Variants in TRANK1 observed in about 807,000 individuals in gnomAD.
The protein encoded by TRANK1 is TPR and ankyrin repeat-containing protein 1.
TRANK1 carries 198 observed loss-of-function variants against 266.0 expected under a neutral mutation model. That is an observed-to-expected ratio of 0.74 (90% CI 0.66 to 0.84). TRANK1 has a LOEUF of 0.84. Ranked by LOEUF, TRANK1 falls within the 40% of genes least tolerant of loss-of-function variation. TRANK1 has a pLI of 0.00. For synonymous variants in TRANK1, 1,396 were observed against 1,384.1 expected, an observed-to-expected ratio of 1.01 and a Z score of -0.19; for missense variants, 3,326 against 3,634.6, an observed-to-expected ratio of 0.92 and a Z score of 2.18.
chr3:36,836,208 G>A (rs2078768541), intron 20 of TRANK1, among the ~76,000 whole-genome samples: 1 of 152,208 alleles, frequency 6.6e-6, no homozygotes, highest in African/African-American at 2.4e-5. Context: ...AGTGAAGCAT[G>A]TGCATACCCT....
Position 36,830,916 on chromosome 3 carries a change from C to T in TRANK1, c.8667G>A (p.Ser2889=), listed in dbSNP as rs1042459006. The T allele has an allele frequency of 7.4e-6, 12 of 1,613,234 alleles. No individual in the cohort carries two copies. The highest frequency in any genetic ancestry group is 4.5e-5 in the East Asian group (2 of 44,876). Residue 2889 remains serine (S), a synonymous_variant, in exon 22 of 24, where the codon TCG becomes TCA. Coordinates refer to ENST00000645898, the MANE Select transcript of TRANK1 (RefSeq NM_001329998.2). ...GCCTGTAGAGGTCCTCCACCATATCCGAAACCCTCTTGATGTGCTCCTGGA... is the reference window on the plus strand; with the variant it reads ...GCCTGTAGAGGTCCTCCACCATATCTGAAACCCTCTTGATGTGCTCCTGGA... ...QKVQEHIKRV[S]DMVEDLYRRK...
chr3:36,858,770 C>A lies in TRANK1; in HGVS notation c.1620G>T (p.Thr540=), dbSNP rs997213384. The part of the protein sequence containing the change: ...KGADPRAISL[T]EGDTPLHAAL... ...CTGCATGCAAAGGAGTATCACCTTC[C>A]GTGAGAGAAATAGCACGGGGGTCTG... The change falls in exon 12 of 24, where the codon ACG becomes ACT. Residue 540 remains threonine, a synonymous_variant. Coordinates refer to ENST00000645898, the MANE Select transcript of TRANK1 (RefSeq NM_001329998.2). 1.3e-6 allele frequency: 2 copies of A among 1,537,030 alleles called. No homozygotes were observed. The highest frequency in any genetic ancestry group is 2.4e-5 in the South Asian group (2 of 84,036).
intron 15 of TRANK1, among the ~76,000 whole-genome samples, chr3:36,848,089 TATC>T (rs2078939185): frequency 6.6e-6 from 1 of 152,218 alleles, no homozygotes; most frequent in Non-Finnish European, 1.5e-5. Flanking sequence ...TAAATATTGT[TATC>T]ATTGCGGGTC....
chr3:36,944,792 T>C lies in TRANK1; in HGVS notation c.18A>G (p.Ala6=). Residue 6 remains alanine, a synonymous_variant, in exon 1 of 24, where the codon GCA becomes GCG. Coordinates refer to ENST00000645898, the MANE Select transcript of TRANK1 (RefSeq NM_001329998.2). ...CTTCCCGCGCCGCTACGCACCTAGC[T>C]GCCCGCGGGTCCCACATGGCTGCGG... MWDPR[A]ARMDLTAYAE... is the part of the protein sequence containing the mutation. 6.7e-7 allele frequency: 1 copy of C among 1,494,154 alleles called. No homozygotes were observed. The highest frequency in any genetic ancestry group is 8.9e-7 in the Non-Finnish European group (1 of 1,128,884). The allele number at this position is 1,494,154 out of a possible 1,614,324, so 92.6% of individuals were successfully genotyped here. A position where few individuals can be genotyped will look rare whatever the true frequency, so the allele number is the denominator to read the frequency against.
At chr3:36,925,715 C>T (rs552508631) in intron 1 of TRANK1, among the ~76,000 whole-genome samples, 3 of 151,902 alleles carry the variant, frequency 2.0e-5, no homozygotes, top group Non-Finnish European at 4.4e-5. Context: ...CTCAGCCTCC[C>T]GAGTAGCTGG....
intron 1 of TRANK1, among the ~76,000 whole-genome samples, chr3:36,930,970 G>A (rs2080353529): frequency 6.6e-6 from 1 of 151,658 alleles, no homozygotes; most frequent in African/African-American, 2.4e-5. Context: ...AAAAAGAAAA[G>A]CACTAACAGA....
At chr3:36,943,107 G>T (rs977652162) in intron 1 of TRANK1, among the ~76,000 whole-genome samples, 19 of 151,688 alleles carry the variant, frequency 1.3e-4, no homozygotes, top group African/African-American at 4.1e-4. Flanking sequence ...CAGGAGAATC[G>T]CTTGAACCCA....
At chr3:36,896,824 T>C (rs2079797874) in intron 4 of TRANK1, among the ~76,000 whole-genome samples, 1 of 149,550 alleles carries the variant, frequency 6.7e-6, no homozygotes, top group South Asian at 2.1e-4. Context: ...GTGAAAGCCC[T>C]TCTCTACTAA....
rs776013406 is a variant in TRANK1, at chr3:36,833,468, T to C, written c.6115A>G (p.Ile2039Val). The C allele has an allele frequency of 1.2e-6, 2 of 1,613,762 alleles. No individual in the cohort carries two copies. Among genetic ancestry groups the C allele is most frequent in the African/African-American group, 2.7e-5 (2 of 74,926 alleles). The change falls in exon 22 of 24, where the codon ATC becomes GTC. Residue 2039 changes from isoleucine (I) to valine (V), a missense_variant. Physicochemically the swap from Ile to Val is conservative, Grantham distance 29. Transcript: ENST00000645898. ...IAEAHFLQGV[I>V]LRDFQKLRDA... is the part of the protein sequence containing the mutation. ...CTGAGCTTCTGAAAGTCTCTCAGGATTACCCCTTGCAGGAAGTGGGCCTCC... is the reference window on the plus strand; with the variant it reads ...CTGAGCTTCTGAAAGTCTCTCAGGACTACCCCTTGCAGGAAGTGGGCCTCC...
intron 1 of TRANK1, among the ~76,000 whole-genome samples, chr3:36,928,874 A>G (rs1014099134): frequency 2.0e-5 from 3 of 152,172 alleles, no homozygotes; most frequent in Non-Finnish European, 4.4e-5. Flanking sequence ...AAGTCCTCCC[A>G]TGTTAATGAA....
rs371640740 is a variant in TRANK1, at chr3:36,833,055, C to T, written c.6528G>A (p.Leu2176=). ...CAAGCAGGCTCCGTGTGATCTGACA[C>T]AGCCTGCCCAAAAGGTGTTTGTTTA... The part of the protein sequence containing the change: ...LALNKHLLGR[L]CQITRSLLGK... The change falls in exon 22 of 24, where the codon CTG becomes CTA. Residue 2176 remains leucine, a synonymous_variant. Coordinates refer to ENST00000645898, the MANE Select transcript of TRANK1 (RefSeq NM_001329998.2). The T allele has an allele frequency of 7.1e-5, 115 of 1,612,942 alleles. 2 individuals are homozygous for T. In the East Asian group the frequency reaches 1.3e-3, roughly 18 times the overall value.
intron 1 of TRANK1, among the ~76,000 whole-genome samples, chr3:36,928,222 T>C (rs2080314998): frequency 6.6e-6 from 1 of 152,224 alleles, no homozygotes; most frequent in African/African-American, 2.4e-5. Context: ...CCGTTGACCT[T>C]GCAAAGCAAA....
chr3:36,939,139 A>G (rs2080463502), intron 1 of TRANK1, among the ~76,000 whole-genome samples: 1 of 151,516 alleles, frequency 6.6e-6, no homozygotes, highest in Admixed American at 6.6e-5. Flanking sequence ...CCTGTCTCAT[A>G]AATAAATAAA....
intron 22 of TRANK1, among the ~76,000 whole-genome samples, chr3:36,830,279 C>T (rs1407393848): frequency 6.6e-6 from 1 of 151,376 alleles, no homozygotes; most frequent in East Asian, 1.9e-4. Context: ...CACGCCACTG[C>T]ACTCCAGCCT....
At chr3:36,906,411 T>C (rs2079969144) in intron 2 of TRANK1, among the ~76,000 whole-genome samples, 2 of 152,184 alleles carry the variant, frequency 1.3e-5, no homozygotes, top group South Asian at 4.1e-4. Flanking sequence ...CTGCAGGTGA[T>C]CCACAAGGTG....
In TRANK1 at chr3:36,831,274, T is replaced by C; in HGVS notation, c.8309A>G (p.Asp2770Gly). Residue 2770 changes from aspartate to glycine, a missense_variant, in exon 22 of 24, where the codon GAC becomes GGC. Physicochemically the swap from Asp to Gly is moderately conservative, Grantham distance 94. Transcript: ENST00000645898. This position sits in a 1 kb window ranked among gnomAD's most constrained non-coding sequence, Gnocchi z 5.0. ...KKADVDRTQC[D>G]LCGVKFTRGP... The stretch of plus-strand genomic sequence containing the variant: ...ACGGGTAAACTTCACTCCACATAGG[T>C]CACACTGGGTCCTGTCCACGTCTGC... The C allele has an allele frequency of 6.2e-7, 1 of 1,613,260 alleles. No homozygotes were observed. Among genetic ancestry groups the C allele is most frequent in the Admixed American group, 1.7e-5 (1 of 60,018 alleles).
chr3:36,872,496 T>C (rs2079323678), intron 9 of TRANK1, among the ~76,000 whole-genome samples: 1 of 152,216 alleles, frequency 6.6e-6, no homozygotes, highest in Non-Finnish European at 1.5e-5. Context: ...GTATTTGCTT[T>C]TTTAAATGCA....
chr3:36,844,478 T>A (rs966249523), intron 17 of TRANK1, among the ~76,000 whole-genome samples: 1 of 152,142 alleles, frequency 6.6e-6, no homozygotes, highest in African/African-American at 2.4e-5. Context: ...CCGCCCACCT[T>A]GGCCCCTCAA....
chr3:36,829,544 C>T lies in TRANK1; in HGVS notation c.8809+20G>A, dbSNP rs1218411763. ...ACAGGACCCAAAGTGTTACCTGTCC[C>T]CACAATCAAGACTCCTTACCTTCCT... is the stretch of plus-strand genomic sequence containing the variant. On this transcript the variant is annotated intron_variant, in intron 23 of 23. Transcript: ENST00000645898. 1 of 1,613,404 alleles carries T rather than the reference C, an allele frequency of 6.2e-7. No homozygotes were observed. Among genetic ancestry groups the T allele is most frequent in the Admixed American group, 1.7e-5 (1 of 60,008 alleles).
Sources: gnomAD v4.1 joint callset for allele counts (sites outside exome capture counted in the v4.1 genomes callset) on GRCh38, gnomAD v4.1.1 for gene constraint, Gnocchi (gnomAD v3.1) non-coding constraint, MANE v1.5 for transcripts, NCBI Gene and HGNC (gene_info 2026-07-23, HGNC 2026-07-21) for gene names.